Variants in TMEM184A observed in about 807,000 individuals in gnomAD.
TMEM184A encodes the protein sexually dimorphic, expressed in male gonads 1.
A neutral mutation model predicts 39.5 loss-of-function variants in TMEM184A; 40 were observed. That is an observed-to-expected ratio of 1.01 (90% CI 0.79 to 1.32). The LOEUF (loss-of-function observed/expected upper bound fraction) is 1.32. Among genes scored for constraint, TMEM184A ranks in the 40% most tolerant of loss-of-function variants. The probability of loss-of-function intolerance (pLI) is 0.00; values close to 1 mark genes in which losing one functional copy is unlikely to be tolerated. For synonymous variants in TMEM184A, 280 were observed against 252.3 expected (o/e 1.11, Z -1.04); for missense variants, 603 against 568.8 (o/e 1.06, Z -0.61).
In TMEM184A at chr7:1,550,342, C is replaced by T. The variant is rs777318315; in HGVS notation, c.439G>A (p.Gly147Ser). 14 of 1,612,922 alleles carry T rather than the reference C, an allele frequency of 8.7e-6. No homozygotes were observed. The Admixed American group carries it at 2.0e-4, about 23-fold the overall frequency. ...CCACGAATCTCAGCCATGATGGCGCCCTCGCCTCCCAGGTACTGGAAACAC... is the reference window on the plus strand; with the variant it reads ...CCACGAATCTCAGCCATGATGGCGCTCTCGCCTCCCAGGTACTGGAAACAC... ...SLCFQYLGGE[G>S]AIMAEIRGKP... Residue 147 changes from glycine (G) to serine (S), a missense_variant, in exon 4 of 9, where the codon GGC becomes AGC. Coordinates refer to ENST00000297477, the MANE Select transcript of TMEM184A (RefSeq NM_001097620.2).
chr7:1,547,998 G>A, intron 7 of TMEM184A, 59 bp from the exon 8 acceptor site: 1 of 1,518,640 alleles, frequency 6.6e-7, no homozygotes, highest in Non-Finnish European at 8.8e-7. Flanking sequence ...GGGAGGAAGA[G>A]GCCCCAGACC....
chr7:1,550,017 C>A, intron 5 of TMEM184A, 72 bp from the exon 6 acceptor site: 1 of 1,589,932 alleles, frequency 6.3e-7, no homozygotes, highest in Non-Finnish European at 8.6e-7. Context: ...TTGGGGCAGC[C>A]AGCAATGAGC....
At chr7:1,552,702 A>G (rs970738159) in intron 2 of TMEM184A, among the ~76,000 whole-genome samples, 1 of 152,030 alleles carries the variant, frequency 6.6e-6, no homozygotes, top group Admixed American at 6.6e-5. Flanking sequence ...CAGAAGGCAC[A>G]TTGGCTTTTG....
intron 2 of TMEM184A, among the ~76,000 whole-genome samples, chr7:1,552,355 C>T (rs528195717): frequency 2.0e-5 from 3 of 152,056 alleles, no homozygotes; most frequent in Non-Finnish European, 2.9e-5. Context: ...TATGTGTGTT[C>T]GTGGGGAATG....
intron 2 of TMEM184A, among the ~76,000 whole-genome samples, chr7:1,554,291 T>C (rs1367870626): frequency 1.3e-5 from 2 of 152,114 alleles, no homozygotes; most frequent in Admixed American, 6.5e-5. Context: ...GCCACCGGTG[T>C]CCCTGCCTGC....
At chr7:1,554,193 A>G (rs938842881) in intron 2 of TMEM184A, among the ~76,000 whole-genome samples, 5 of 152,158 alleles carry the variant, frequency 3.3e-5, no homozygotes, top group Non-Finnish European at 7.4e-5. Context: ...CAGCCTCCCA[A>G]GTAGCTGGGA....
Position 1,547,063 on chromosome 7 carries a change from C to T in TMEM184A, c.1131G>A (p.Gln377=). 1 of 1,609,662 alleles carries T rather than the reference C, an allele frequency of 6.2e-7. No homozygotes were observed. The highest frequency in any genetic ancestry group is 1.1e-5 in the South Asian group (1 of 91,032). ...CGGGCCTGGGCGCCTCGTGCGTGGC[C>T]TGCTGCGTGTAGTGCTGGTAGGCGG... ...FSPAYQHYTQ[Q]ATHEAPRPGT... is the part of the protein sequence containing the mutation. Residue 377 remains glutamine (Q), a synonymous_variant, in exon 9 of 9, where the codon CAG becomes CAA. Transcript: ENST00000297477.
In TMEM184A at chr7:1,550,398, G is replaced by A; in HGVS notation, c.386-3C>T. ...CAGGAAGCTGTAAATGACAAAGGCT[G>A]CAGGGAGCACAGAGGGGGACCGGCT... On this transcript the variant is annotated splice_polypyrimidine_tract_variant and splice_region_variant and intron_variant, in intron 3 of 8. Transcript: ENST00000297477. 6.2e-7 allele frequency: 1 copy of A among 1,610,314 alleles called. No homozygotes were observed. Among genetic ancestry groups the A allele is most frequent in the Non-Finnish European group, 8.5e-7 (1 of 1,178,626 alleles).
rs1255346579 is a variant in TMEM184A, at chr7:1,542,501, C to T, written c.*4451G>A. On this transcript the variant is annotated 3_prime_UTR_variant, in exon 9 of 9. Transcript: ENST00000297477. ...TTCTTGGTGTCCACGTCTTGTGGGCCGTGGGCTTCTACCTGCCCTTGGCCT... is the reference window on the plus strand; with the variant it reads ...TTCTTGGTGTCCACGTCTTGTGGGCTGTGGGCTTCTACCTGCCCTTGGCCT... 49 of 152,418 alleles carry T rather than the reference C, an allele frequency of 3.2e-4. No homozygotes were observed. Among genetic ancestry groups the T allele is most frequent in the Admixed American group, 6.5e-5 (1 of 15,300 alleles). The allele number at this position is 152,418 out of a possible 1,614,324, so 9.4% of individuals were successfully genotyped here.
In TMEM184A at chr7:1,547,009, CCCGCCGGAG is replaced by C. The variant is rs761848716; in HGVS notation, c.1176_1184del (p.Gly394_Ser396del). Reference sequence around the variant, plus strand: ...TCTCCAGGCTCCGGCTCTTCCTGCTCCCGCCGGAGCCGCCGCTGGGGTGGGTGCCGGGCC... The same window carrying C: ...TCTCCAGGCTCCGGCTCTTCCTGCTCCCGCCGCTGGGGTGGGTGCCGGGCC... On this transcript the variant is annotated inframe_deletion, in exon 9 of 9. Coordinates refer to ENST00000297477, the MANE Select transcript of TMEM184A (RefSeq NM_001097620.2). 2.6e-6 allele frequency: 4 copies of C among 1,556,166 alleles called. No homozygotes were observed. The South Asian group carries it at 4.5e-5, about 17-fold the overall frequency.
At chr7:1,547,232 C>G (rs1240663337) in intron 8 of TMEM184A, 51 bp from the exon 9 acceptor site, 1 of 1,056,474 alleles carries the variant, frequency 9.5e-7, no homozygotes, top group African/African-American at 1.6e-5. Context: ...ACTCCAGCTC[C>G]CCGGACAAGT....
At chr7:1,550,227 G>T (rs766790562) in intron 4 of TMEM184A, 29 bp from the exon 5 acceptor site, 6 of 1,605,450 alleles carry the variant, frequency 3.7e-6, no homozygotes, top group African/African-American at 1.3e-5. Flanking sequence ...AGCCGGTGCG[G>T]GAGAATGCAG....
At chr7:1,550,078 G>A (rs761725951) in intron 5 of TMEM184A, 45 bp downstream of exon 5, 25 of 1,585,500 alleles carry the variant, frequency 1.6e-5, no homozygotes, top group African/African-American at 2.7e-5. Flanking sequence ...GGCCCCTGAC[G>A]GGCTTGGGTG....
rs1246686477 is a variant in TMEM184A at position 1,550,788 on chromosome 7, C to T, written c.385+29G>A. 3 of 1,609,310 alleles carry T rather than the reference C, an allele frequency of 1.9e-6. No homozygotes were observed. In the Admixed American group the frequency reaches 5.0e-5, roughly 27 times the overall value. On this transcript the variant is annotated intron_variant, in intron 3 of 8. Coordinates refer to ENST00000297477, the MANE Select transcript of TMEM184A (RefSeq NM_001097620.2). ...GCCCCGGGGAGTCTCTCCCTCCGCTCCCCCGACCTGACGCAGCCTGGCGCC... is the reference window on the plus strand; with the variant it reads ...GCCCCGGGGAGTCTCTCCCTCCGCTTCCCCGACCTGACGCAGCCTGGCGCC...
chr7:1,555,649 C>A lies in TMEM184A; in HGVS notation c.1-165G>T. 1.5e-6 allele frequency: 1 copy of A among 668,116 alleles called. No individual in the cohort carries two copies. Among genetic ancestry groups the A allele is most frequent in the South Asian group, 1.6e-5 (1 of 61,854 alleles). 41.4% of individuals were successfully genotyped at this position (668,116 alleles called of 1,614,324 possible). The stretch of plus-strand genomic sequence containing the variant: ...CGGACACCAGCGCCAGGCCCGGCTC[C>A]CTCCCTGCTCCGAGCTCAGCCATCG... On this transcript the variant is annotated intron_variant, in intron 1 of 8. Transcript: ENST00000297477. The surrounding 1 kb of genome is among the most constrained non-coding windows in gnomAD (Gnocchi z 5.2).
chr7:1,551,414 C>G (rs970474773), intron 2 of TMEM184A, among the ~76,000 whole-genome samples: 2 of 151,880 alleles, frequency 1.3e-5, no homozygotes, highest in Non-Finnish European at 2.9e-5. Flanking sequence ...CCCAGGTGAG[C>G]CGGGAAGGAG....
rs771006278 is a variant in TMEM184A, at chr7:1,549,888, G to A, written c.610C>T (p.Gln204Ter). Reference protein sequence around the residue: ...PVMAVTTIILQAFGKYHDGDF... With the variant: ...PVMAVTTIIL Reference sequence around the variant, plus strand: ...CCGTCGTGGTATTTGCCAAATGCCTGGAGGATGATGGTGGTGACGGCCATG... The same window carrying A: ...CCGTCGTGGTATTTGCCAAATGCCTAGAGGATGATGGTGGTGACGGCCATG... Residue 204 changes from glutamine (Q) to a stop codon, truncating the protein, a stop_gained, in exon 6 of 9, where the codon CAG becomes TAG. Transcript: ENST00000297477. LOFTEE classifies it high-confidence loss of function. 1 of 1,611,722 alleles carries A rather than the reference G, an allele frequency of 6.2e-7. No homozygotes were observed. The highest frequency in any genetic ancestry group is 1.7e-5 in the Admixed American group (1 of 59,642).
chr7:1,549,433 C>T, intron 6 of TMEM184A: 1 of 419,994 alleles, frequency 2.4e-6, no homozygotes, highest in Non-Finnish European at 5.0e-6. Context: ...CCCCTTGGCC[C>T]AGGTGCCCTT....
rs1784413687 is a variant in TMEM184A at position 1,547,930 on chromosome 7, A to G, written c.824T>C (p.Leu275Pro). Residue 275 changes from leucine to proline, a missense_variant, in exon 8 of 9, where the codon CTG becomes CCG. Physicochemically the swap from Leu to Pro is moderately conservative, Grantham distance 98 (BLOSUM62 -3). Transcript: ENST00000297477. ...GACCCCGCACCGCTCCAGGATGGCCAGCAGCAGCCCTGCGGACGCCACGGC... is the reference window on the plus strand; with the variant it reads ...GACCCCGCACCGCTCCAGGATGGCCGGCAGCAGCCCTGCGGACGCCACGGC... ...IFLSFWQGLLLAILERCGVIP... is the reference protein window; with the variant it reads ...IFLSFWQGLLPAILERCGVIP... 7.0e-6 allele frequency: 11 copies of G among 1,573,360 alleles called. No individual in the cohort carries two copies. The highest frequency in any genetic ancestry group is 9.5e-6 in the Non-Finnish European group (11 of 1,160,692).
Sources: allele counts gnomAD v4.1 joint callset (sites outside exome capture counted in the v4.1 genomes callset), GRCh38; gene constraint gnomAD v4.1.1; non-coding constraint Gnocchi (gnomAD v3.1); transcripts MANE v1.5; gene names NCBI Gene and HGNC (gene_info 2026-07-23, HGNC 2026-07-21).